PLEKHA5: variants seen among roughly 807,000 people sequenced by gnomAD.
PLEKHA5 encodes the protein pleckstrin homology domain containing A5.
In PLEKHA5, 55 loss-of-function variants were observed where a neutral mutation model predicts 181.9. That is an observed-to-expected ratio of 0.30 (90% CI 0.24 to 0.38). PLEKHA5 has a LOEUF of 0.38. Among genes scored for constraint, PLEKHA5 ranks in the 10% least tolerant of loss-of-function variants. The pLI is 1.00. For missense variants in PLEKHA5, 1,432 were observed against 1,549.5 expected (o/e 0.92, Z 1.27); for synonymous variants, 535 against 529.4 (o/e 1.01, Z -0.15).
At chr12:19,375,010 G>A (rs2095680955) in intron 31 of PLEKHA5, among the ~76,000 whole-genome samples, 2 of 151,260 alleles carry the variant, frequency 1.3e-5, no homozygotes, top group Admixed American at 1.3e-4. Flanking sequence ...GAGGAAGGAA[G>A]AAGAATTGCA....
chr12:19,369,802 C>A lies in PLEKHA5; in HGVS notation c.*11+4C>A. ...TGTGTGTGTAGTCTTAGAAGAAGTACGTCATTTCCCTTTGCATTTGTGCTT... is the reference window on the plus strand; with the variant it reads ...TGTGTGTGTAGTCTTAGAAGAAGTAAGTCATTTCCCTTTGCATTTGTGCTT... On this transcript the variant is annotated splice_donor_region_variant and intron_variant, in intron 31 of 31. Transcript: ENST00000429027. The A allele has an allele frequency of 1.3e-6, 2 of 1,496,388 alleles. No individual in the cohort carries two copies. Among genetic ancestry groups the A allele is most frequent in the South Asian group, 1.2e-5 (1 of 84,136 alleles). 92.7% of individuals were successfully genotyped at this position (1,496,388 alleles called of 1,614,324 possible).
intron 3 of PLEKHA5, chr12:19,202,135 C>G (rs1316917487): frequency 2.9e-6 from 1 of 340,920 alleles, no homozygotes; most frequent in Non-Finnish European, 4.2e-6. Flanking sequence ...CTGCTGAGTT[C>G]ACTGCCTTTT....
At chr12:19,255,543 A>G (rs1269955500) in intron 5 of PLEKHA5, among the ~76,000 whole-genome samples, 1 of 151,900 alleles carries the variant, frequency 6.6e-6, no homozygotes, top group Non-Finnish European at 1.5e-5. Flanking sequence ...GTAAGGAAAT[A>G]GATAATTATA....
At chr12:19,191,327 A>G (rs953791942) in intron 3 of PLEKHA5, among the ~76,000 whole-genome samples, 2 of 152,226 alleles carry the variant, frequency 1.3e-5, no homozygotes, top group East Asian at 1.9e-4. Flanking sequence ...GTCATAGACC[A>G]GTATGTAGAA....
At chr12:19,253,260 A>G (rs1219853885) in intron 3 of PLEKHA5, among the ~76,000 whole-genome samples, 1 of 150,220 alleles carries the variant, frequency 6.7e-6, no homozygotes, top group Non-Finnish European at 1.5e-5. Context: ...TTTTTAGTAG[A>G]GATGGTGTTT....
At chr12:19,207,076 A>G (rs1296886902) in intron 3 of PLEKHA5, among the ~76,000 whole-genome samples, 1 of 152,164 alleles carries the variant, frequency 6.6e-6, no homozygotes, top group African/African-American at 2.4e-5. Flanking sequence ...TCAAGTGTAT[A>G]AAATCTATAA....
At chr12:19,256,682 T>C (rs931022874) in intron 5 of PLEKHA5, among the ~76,000 whole-genome samples, 1 of 152,230 alleles carries the variant, frequency 6.6e-6, no homozygotes, top group African/African-American at 2.4e-5. Context: ...AGAAGTATGC[T>C]GGATTTCCAA....
intron 25 of PLEKHA5, among the ~76,000 whole-genome samples, chr12:19,349,089 T>TTTGTTGTTG (rs146606952): frequency 6.9e-6 from 1 of 144,910 alleles, no homozygotes; most frequent in Non-Finnish European, 1.5e-5. Flanking sequence ...GGTGGTTGTT[T>TTTGTTGTTG]TTGTTGTTGT....
At position 19,141,142 on chromosome 12, in the gene PLEKHA5, A is replaced by G. The variant is rs576058502; in HGVS notation, c.227+8692A>G. ...AAGAGTGATGCAAGTAAATTCTTCA[A>G]GGCTCTTCCTCACCTGCTTTCCACC... On this transcript the variant is annotated intron_variant, in intron 3 of 31. Transcript: ENST00000429027. 3.4e-4 allele frequency among the ~76,000 whole-genome samples: 52 copies of G among 152,180 alleles called. 1 individual carries two copies. Among genetic ancestry groups the G allele is most frequent in the African/African-American group, 9.6e-4 (40 of 41,534 alleles).
intron 20 of PLEKHA5, among the ~76,000 whole-genome samples, chr12:19,328,727 G>A (rs951667154): frequency 3.9e-5 from 6 of 152,050 alleles, no homozygotes; most frequent in Admixed American, 6.6e-5. Flanking sequence ...TCAGTTGTAG[G>A]AGCCTTTTGA....
chr12:19,222,816 C>T (rs2059160900), intron 3 of PLEKHA5, among the ~76,000 whole-genome samples: 1 of 151,990 alleles, frequency 6.6e-6, no homozygotes, highest in South Asian at 2.1e-4. Context: ...GGAGTCTCTG[C>T]TTACCCTGCC....
intron 29 of PLEKHA5, among the ~76,000 whole-genome samples, chr12:19,364,479 C>G (rs1251846187): frequency 6.6e-6 from 1 of 151,918 alleles, no homozygotes; most frequent in South Asian, 2.1e-4. Flanking sequence ...CCACTGTACT[C>G]CAGCCTGGGC....
intron 25 of PLEKHA5, among the ~76,000 whole-genome samples, chr12:19,349,325 A>G (rs1306303580): frequency 1.3e-5 from 2 of 152,040 alleles, no homozygotes; most frequent in Non-Finnish European, 2.9e-5. Context: ...CGTGTTGCCT[A>G]AGCTGGTCTT....
chr12:19,227,645 A>G (rs564360325), intron 3 of PLEKHA5, among the ~76,000 whole-genome samples: 2 of 152,332 alleles, frequency 1.3e-5, no homozygotes, highest in East Asian at 3.9e-4. Context: ...CCCCCACCTC[A>G]TTGGCTGTGC....
chr12:19,270,388 A>G (rs1239651767), intron 10 of PLEKHA5, among the ~76,000 whole-genome samples, 183 bp downstream of exon 10: 1 of 152,088 alleles, frequency 6.6e-6, no homozygotes, highest in Non-Finnish European at 1.5e-5. Context: ...TGATAGTTTC[A>G]TTTTTTCAAC....
chr12:19,302,906 ATTTTTTTTTTTTTTTT>A (rs34702332), intron 15 of PLEKHA5, among the ~76,000 whole-genome samples: 5 of 53,966 alleles, frequency 9.3e-5, no homozygotes, highest in South Asian at 2.6e-3. Context: ...TCTGTATGAA[ATTTTTTTTTTTTTTTT>A]TTTTTTTTTT....
At chr12:19,174,209 A>G (rs951394974) in intron 3 of PLEKHA5, among the ~76,000 whole-genome samples, 3 of 152,198 alleles carry the variant, frequency 2.0e-5, no homozygotes, top group Admixed American at 1.3e-4. Flanking sequence ...GCATGGTACT[A>G]TTCTGGCAAC....
chr12:19,187,306 T>A (rs1015615066), intron 3 of PLEKHA5, among the ~76,000 whole-genome samples: 1 of 152,220 alleles, frequency 6.6e-6, no homozygotes, highest in Non-Finnish European at 1.5e-5. Flanking sequence ...GAGGAAATAT[T>A]GTGTCTTAGT....
intron 3 of PLEKHA5, among the ~76,000 whole-genome samples, chr12:19,238,174 G>C (rs2061725361): frequency 6.6e-6 from 1 of 151,954 alleles, no homozygotes; most frequent in Non-Finnish European, 1.5e-5. Flanking sequence ...TTCAAGTCTA[G>C]ATGAGGAAAA....
Sources: gnomAD v4.1 joint callset for allele counts (sites outside exome capture counted in the v4.1 genomes callset) on GRCh38, gnomAD v4.1.1 for gene constraint, MANE v1.5 for transcripts, NCBI Gene and HGNC (gene_info 2026-07-23, HGNC 2026-07-21) for gene names.